Variants in UBE2E2 observed in about 807,000 individuals in gnomAD.
UBE2E2 encodes the protein ubiquitin-conjugating enzyme E2 E2.
A neutral mutation model predicts 24.7 loss-of-function variants in UBE2E2; 6 were observed. The observed-to-expected ratio is 0.24, with a 90% CI of 0.13 to 0.48. UBE2E2 has a LOEUF of 0.48. Among genes scored for constraint, UBE2E2 ranks in the 20% least tolerant of loss-of-function variants. The probability of loss-of-function intolerance (pLI) is 0.99; values close to 1 mark genes in which losing one functional copy is unlikely to be tolerated. For synonymous variants in UBE2E2, 104 were observed against 83.6 expected (o/e 1.24, Z -1.33); for missense variants, 169 against 245.0 (o/e 0.69, Z 2.07).
At chr3:23,295,019 CAT>C (rs1290383028) in intron 3 of UBE2E2, among the ~76,000 whole-genome samples, 13 of 152,238 alleles carry the variant, frequency 8.5e-5, no homozygotes, top group South Asian at 4.1e-4. Flanking sequence ...TTCATTTAAA[CAT>C]GTGTAAATTT....
chr3:23,467,471 A>T (rs1234132372), intron 3 of UBE2E2, among the ~76,000 whole-genome samples: 2 of 152,232 alleles, frequency 1.3e-5, no homozygotes, highest in African/African-American at 4.8e-5. Context: ...GACTTTGAGC[A>T]AATTGGCGCC....
chr3:23,588,807 ATATTAGAG>A (rs1696691764), intron 5 of UBE2E2, among the ~76,000 whole-genome samples: 1 of 152,158 alleles, frequency 6.6e-6, no homozygotes, highest in Non-Finnish European at 1.5e-5. Flanking sequence ...TGTCATTAAC[ATATTAGAG>A]TTTTAGGACA....
chr3:23,433,651 CT>C (rs34224623), intron 3 of UBE2E2, among the ~76,000 whole-genome samples: 36 of 146,508 alleles, frequency 2.5e-4, no homozygotes, highest in South Asian at 2.2e-4. Context: ...GTCTTTATGA[CT>C]TTTTTTTTTT....
At chr3:23,499,813 A>G in intron 4 of UBE2E2, 73 bp downstream of exon 4, 1 of 1,523,624 alleles carries the variant, frequency 6.6e-7, no homozygotes, top group South Asian at 1.3e-5. Context: ...ATTCTTAAAT[A>G]TGCATTCTAG....
chr3:23,349,439 A>C (rs1442186264), intron 3 of UBE2E2, among the ~76,000 whole-genome samples: 2 of 152,198 alleles, frequency 1.3e-5, no homozygotes, highest in East Asian at 3.9e-4. Flanking sequence ...ACATTGCCTC[A>C]CTCGGGAAGC....
chr3:23,573,101 C>CT (rs1416416130), intron 5 of UBE2E2, among the ~76,000 whole-genome samples: 8 of 152,032 alleles, frequency 5.3e-5, no homozygotes, highest in African/African-American at 1.9e-4. Flanking sequence ...TCAAACCCTA[C>CT]TATAAAGCTA....
intron 3 of UBE2E2, among the ~76,000 whole-genome samples, chr3:23,270,525 G>T (rs1168853733): frequency 1.3e-5 from 2 of 152,140 alleles, no homozygotes; most frequent in African/African-American, 4.8e-5. Context: ...GGCTCGTTCT[G>T]TTCTCCTTCT....
At position 23,292,291 on chromosome 3, in the gene UBE2E2, A is replaced by G. The variant is rs183925953; in HGVS notation, c.227+74979A>G. On this transcript the variant is annotated intron_variant, in intron 3 of 5. Transcript: ENST00000396703. ...CTCATCCAGCTTAAGGGACAACTCT[A>G]TATTCATTATTTTTGGTGTTAAAAT... 5.8e-4 allele frequency among the ~76,000 whole-genome samples: 89 copies of G among 152,154 alleles called. 2 individuals carry two copies. The East Asian group carries it at 0.016, about 27-fold the overall frequency.
intron 3 of UBE2E2, among the ~76,000 whole-genome samples, chr3:23,452,724 G>T (rs945146534): frequency 2.0e-5 from 3 of 152,286 alleles, no homozygotes; most frequent in African/African-American, 7.2e-5. Context: ...ACATTTTAAT[G>T]TTATCATTCT....
At chr3:23,263,630 T>TA in intron 3 of UBE2E2, among the ~76,000 whole-genome samples, 1 of 152,302 alleles carries the variant, frequency 6.6e-6, no homozygotes, top group East Asian at 1.9e-4. Flanking sequence ...ATTTGATGTT[T>TA]AAAAAAGAGG....
chr3:23,284,960 A>T (rs1056717524), intron 3 of UBE2E2, among the ~76,000 whole-genome samples: 3 of 132,820 alleles, frequency 2.3e-5, no homozygotes, highest in African/African-American at 3.7e-5. Flanking sequence ...GTTGGAAAAA[A>T]AAATATATAT....
At chr3:23,399,883 T>C (rs1354713610) in intron 3 of UBE2E2, among the ~76,000 whole-genome samples, 1 of 152,212 alleles carries the variant, frequency 6.6e-6, no homozygotes, top group Non-Finnish European at 1.5e-5. Context: ...GATGTCAGAC[T>C]CTTCCTCACT....
intron 3 of UBE2E2, among the ~76,000 whole-genome samples, chr3:23,480,524 G>A (rs1699234875): frequency 6.6e-6 from 1 of 152,110 alleles, no homozygotes; most frequent in Admixed American, 6.5e-5. Context: ...CCGGTTCCAT[G>A]GAGGGTGCAG....
In UBE2E2 at chr3:23,550,583, C is replaced by G. The variant is rs114377611; in HGVS notation, c.508+17882C>G. On this transcript the variant is annotated intron_variant, in intron 5 of 5. Coordinates refer to ENST00000396703, the MANE Select transcript of UBE2E2 (RefSeq NM_152653.4). ...GTCTAGTTAAGATGGGAGTGAAACTCAACTTTTTCACTTCTGCTTCTGGCC... is the reference window on the plus strand; with the variant it reads ...GTCTAGTTAAGATGGGAGTGAAACTGAACTTTTTCACTTCTGCTTCTGGCC... Among the ~76,000 whole-genome samples, 1,308 of 152,280 alleles carry G rather than the reference C, an allele frequency of 8.6e-3. 17 individuals carry two copies. Among genetic ancestry groups the G allele is most frequent in the African/African-American group, 0.029 (1,198 of 41,554 alleles).
chr3:23,464,458 A>G (rs1698880856), intron 3 of UBE2E2, among the ~76,000 whole-genome samples: 1 of 152,164 alleles, frequency 6.6e-6, no homozygotes, highest in Non-Finnish European at 1.5e-5. Flanking sequence ...CCTTCCAAAT[A>G]CAGGATACTA....
rs542510449 is a variant in UBE2E2 at position 23,575,465 on chromosome 3, A to G, written c.509-14269A>G. 2.0e-5 allele frequency among the ~76,000 whole-genome samples: 3 copies of G among 152,304 alleles called. No individual in the cohort carries two copies. In the East Asian group the frequency reaches 5.8e-4, roughly 29 times the overall value. ...TGTGTTTTCAATATTTATAGTGTAT[A>G]AAGTGTTCCTTCATATTAGAAAAAA... On this transcript the variant is annotated intron_variant, in intron 5 of 5. Transcript: ENST00000396703.
chr3:23,410,712 T>C (rs1697477513), intron 3 of UBE2E2, among the ~76,000 whole-genome samples: 1 of 152,162 alleles, frequency 6.6e-6, no homozygotes, highest in Non-Finnish European at 1.5e-5. Flanking sequence ...AAAGTGGAGA[T>C]ATATGTAAAT....
chr3:23,561,124 T>A (rs1559422200), intron 5 of UBE2E2, among the ~76,000 whole-genome samples: 1 of 152,240 alleles, frequency 6.6e-6, no homozygotes, highest in Non-Finnish European at 1.5e-5. Context: ...TTTGGTGTTT[T>A]AGACATGAAG....
At chr3:23,413,706 C>T (rs1295166844) in intron 3 of UBE2E2, among the ~76,000 whole-genome samples, 2 of 152,160 alleles carry the variant, frequency 1.3e-5, no homozygotes, top group Admixed American at 6.6e-5. Flanking sequence ...TCTTTCCTAA[C>T]GTCATCCACT....
Sources: allele counts gnomAD v4.1 joint callset (sites outside exome capture counted in the v4.1 genomes callset), GRCh38; gene constraint gnomAD v4.1.1; transcripts MANE v1.5; gene names NCBI Gene and HGNC (gene_info 2026-07-23, HGNC 2026-07-21).